The following RHOU variants were observed in gnomAD, a reference collection of about 807,000 sequenced individuals.
RHOU encodes the protein ras homolog family member U.
Under a neutral mutation model 12.6 loss-of-function variants are expected in RHOU, and 8 were observed. The ratio of observed to expected loss-of-function variants is 0.64; its 90% confidence interval spans 0.37 to 1.15. RHOU has a LOEUF of 1.15. Among genes scored for constraint, RHOU ranks in the 50% most tolerant of loss-of-function variants. The probability of loss-of-function intolerance (pLI) is 0.01; values close to 1 mark genes in which losing one functional copy is unlikely to be tolerated. For synonymous variants in RHOU, 161 were observed against 147.4 expected (o/e 1.09, Z -0.67); for missense variants, 258 against 347.0 (o/e 0.74, Z 2.04).
chr1:228,719,720 ACT>A, the RHOU span, among the ~76,000 whole-genome samples: 1 of 152,018 alleles, frequency 6.6e-6, no homozygotes, highest in Non-Finnish European at 1.5e-5. Flanking sequence ...ACAGAACATG[ACT>A]CTGTCTTAAA....
rs776188242 is a variant in RHOU at position 228,738,433 on chromosome 1, G to T, written c.321+702G>T. Among the ~76,000 whole-genome samples, 5 of 152,192 alleles carry T rather than the reference G, an allele frequency of 3.3e-5. No homozygotes were observed. Among genetic ancestry groups the T allele is most frequent in the Non-Finnish European group, 5.9e-5 (4 of 68,048 alleles). ...ACTCGAGTCATTGAAGTCAGGCTGT[G>T]CCTTGTGAACACCCAGGGGTACTTG... On this transcript the variant is annotated intron_variant, in intron 2 of 2. Transcript: ENST00000366691. This position sits in a 1 kb window ranked among gnomAD's most constrained non-coding sequence, Gnocchi z 4.2.
the RHOU span, among the ~76,000 whole-genome samples, chr1:228,662,590 C>G: frequency 6.7e-6 from 1 of 148,938 alleles, no homozygotes; most frequent in Non-Finnish European, 1.5e-5. Flanking sequence ...GACAGAAAAC[C>G]AAACACTGCA....
the RHOU span, among the ~76,000 whole-genome samples, chr1:228,655,216 G>A: frequency 6.6e-6 from 1 of 150,646 alleles, no homozygotes; most frequent in African/African-American, 2.4e-5. Context: ...GCAATTCTCT[G>A]CCTCAGCCTC....
At chr1:228,676,713 G>A in the RHOU span, among the ~76,000 whole-genome samples, 2 of 152,128 alleles carry the variant, frequency 1.3e-5, no homozygotes, top group East Asian at 1.9e-4. Context: ...TGGGATAGGC[G>A]GTGGAGTTAG....
the RHOU span, among the ~76,000 whole-genome samples, chr1:228,661,304 A>G: frequency 6.6e-6 from 1 of 152,164 alleles, no homozygotes; most frequent in Non-Finnish European, 1.5e-5. Flanking sequence ...CAAGCTACCA[A>G]TGATTTAACA....
the RHOU span, among the ~76,000 whole-genome samples, chr1:228,664,377 A>G: frequency 6.6e-6 from 1 of 152,064 alleles, no homozygotes; most frequent in Non-Finnish European, 1.5e-5. Flanking sequence ...CAAGTGGCTC[A>G]TTTGTTCCTC....
chr1:228,674,290 A>T, the RHOU span, among the ~76,000 whole-genome samples: 1 of 149,476 alleles, frequency 6.7e-6, no homozygotes. Context: ...CAATCGTTTG[A>T]GGTTCCTGAT....
the RHOU span, among the ~76,000 whole-genome samples, chr1:228,718,761 G>T: frequency 6.6e-6 from 1 of 152,198 alleles, no homozygotes. Flanking sequence ...TCTAAGGTGT[G>T]AACCAGGAGG....
chr1:228,712,615 A>G, the RHOU span, among the ~76,000 whole-genome samples: 1 of 139,140 alleles, frequency 7.2e-6, no homozygotes, highest in Non-Finnish European at 1.5e-5. Context: ...AACAATGAGA[A>G]CACATGGACA....
the RHOU span, chr1:228,651,285 G>A: frequency 2.3e-5 from 4 of 177,108 alleles, no homozygotes; most frequent in East Asian, 1.8e-4. Context: ...GGTGTCTACT[G>A]CACATTCCCT....
At chr1:228,719,767 C>A in the RHOU span, among the ~76,000 whole-genome samples, 10 of 151,726 alleles carry the variant, frequency 6.6e-5, no homozygotes, top group East Asian at 3.9e-4. Flanking sequence ...ACAACAACAA[C>A]AAAAAAAATG....
chr1:228,687,629 G>T, the RHOU span: 1 of 1,559,348 alleles, frequency 6.4e-7, no homozygotes, highest in Non-Finnish European at 8.7e-7. Context: ...TACTGGAACT[G>T]CACAAACTGG....
At chr1:228,689,378 C>T in the RHOU span, among the ~76,000 whole-genome samples, 7 of 152,110 alleles carry the variant, frequency 4.6e-5, no homozygotes, top group African/African-American at 7.2e-5. Context: ...CAGTGAGAAA[C>T]GCGATTGGGA....
At chr1:228,665,503 C>A in the RHOU span, among the ~76,000 whole-genome samples, 1 of 152,314 alleles carries the variant, frequency 6.6e-6, no homozygotes, top group East Asian at 1.9e-4. Flanking sequence ...CCTACCTAGT[C>A]TTCTGAGTGA....
At chr1:228,660,392 A>G in the RHOU span, among the ~76,000 whole-genome samples, 1 of 152,124 alleles carries the variant, frequency 6.6e-6, no homozygotes, top group Non-Finnish European at 1.5e-5. Context: ...TTTTCTATCA[A>G]ATATTTAGAT....
chr1:228,656,392 GT>G, the RHOU span, among the ~76,000 whole-genome samples: 1 of 151,932 alleles, frequency 6.6e-6, no homozygotes, highest in East Asian at 1.9e-4. Flanking sequence ...TCCACTTTTT[GT>G]TTTCTTTCTT....
the RHOU span, chr1:228,650,465 T>G: frequency 4.4e-6 from 2 of 456,590 alleles, no homozygotes; most frequent in Non-Finnish European, 8.8e-6. Flanking sequence ...ACGCTGCTGC[T>G]GCAGGAGGGC....
At chr1:228,720,768 T>C in the RHOU span, among the ~76,000 whole-genome samples, 1 of 152,228 alleles carries the variant, frequency 6.6e-6, no homozygotes, top group Non-Finnish European at 1.5e-5. Context: ...ATGAGGGGAT[T>C]TGAGGTCAGA....
the RHOU span, among the ~76,000 whole-genome samples, chr1:228,700,506 G>A: frequency 1.3e-5 from 2 of 152,112 alleles, no homozygotes; most frequent in East Asian, 3.9e-4. Flanking sequence ...TTCCTTGAAG[G>A]CACAGTACTT....
Sources: gnomAD v4.1 joint callset for allele counts (sites outside exome capture counted in the v4.1 genomes callset) on GRCh38, gnomAD v4.1.1 for gene constraint, Gnocchi (gnomAD v3.1) non-coding constraint, MANE v1.5 for transcripts, NCBI Gene and HGNC (gene_info 2026-07-23, HGNC 2026-07-21) for gene names.